Variants in APOH observed in about 807,000 individuals in gnomAD.
APOH encodes beta-2-glycoprotein 1.
Under a neutral mutation model 39.8 loss-of-function variants are expected in APOH, and 48 were observed. The ratio of observed to expected loss-of-function variants is 1.21; its 90% CI spans 0.96 to 1.54. The LOEUF (loss-of-function observed/expected upper bound fraction) is 1.54, where lower values mean the gene tolerates loss of function less well. Among genes scored for constraint, APOH ranks in the 40% most tolerant of loss-of-function variants. The pLI is 0.00. For synonymous variants in APOH, 153 were observed against 151.1 expected, an observed-to-expected ratio of 1.01 and a Z score of -0.09; for missense variants, 415 against 421.2, an observed-to-expected ratio of 0.99 and a Z score of 0.13.
At chr17:66,227,949 G>C (rs987618627) in intron 2 of APOH, 71 bp downstream of exon 2, 6 of 1,510,962 alleles carry the variant, frequency 4.0e-6, no homozygotes, top group Non-Finnish European at 5.4e-6. Flanking sequence ...AGCATGACGA[G>C]GTAGCTTATT....
At position 66,223,770 on chromosome 17, in the gene APOH, A is replaced by G. The variant is rs756210824; in HGVS notation, c.343T>C (p.Tyr115His). Reference sequence around the variant, plus strand: ...TTGGCAGAATCAGCGCCATTCAGATAAAACCTGCAAAAGGAAAATTCATTC... The same window carrying G: ...TTGGCAGAATCAGCGCCATTCAGATGAAACCTGCAAAAGGAAAATTCATTC... ...TISFSCNTGF[Y>H]LNGADSAKCT... The change falls in exon 4 of 8, where the codon TAT (tyrosine) becomes CAT (histidine). Residue 115 changes from tyrosine (Y) to histidine (H), a missense_variant. By Grantham distance (83) the Tyr-to-His change is moderately conservative. Coordinates refer to ENST00000205948, the MANE Select transcript of APOH (RefSeq NM_000042.3). 76 of 1,614,012 alleles carry G rather than the reference A, an allele frequency of 4.7e-5. No individual in the cohort carries two copies. In the South Asian group the frequency reaches 8.1e-4, roughly 17 times the overall value.
At chr17:66,214,786 G>A (rs750239799) in intron 6 of APOH, 136 bp from the exon 7 acceptor site, 61 of 680,778 alleles carry the variant, frequency 9.0e-5, no homozygotes, top group Non-Finnish European at 1.3e-5. Context: ...AATATATATA[G>A]TAAGTAATGG....
chr17:66,216,696 G>T, intron 6 of APOH, 92 bp downstream of exon 6: 1 of 1,318,450 alleles, frequency 7.6e-7, no homozygotes. Context: ...TGAGCAACAA[G>T]TGGAAAAGTG....
chr17:66,225,654 T>C (rs2073434798), intron 3 of APOH, among the ~76,000 whole-genome samples: 1 of 152,152 alleles, frequency 6.6e-6, no homozygotes, highest in African/African-American at 2.4e-5. Flanking sequence ...CTCCAATCCT[T>C]ACCCCACCCT....
chr17:66,215,724 A>G (rs1185068473), intron 6 of APOH, among the ~76,000 whole-genome samples: 3 of 152,154 alleles, frequency 2.0e-5, no homozygotes, highest in Non-Finnish European at 2.9e-5. Context: ...ACCTAACTCA[A>G]AAGGAACCAG....
At chr17:66,219,360 CAG>C (rs1469713559) in intron 5 of APOH, among the ~76,000 whole-genome samples, 2 of 151,448 alleles carry the variant, frequency 1.3e-5, no homozygotes, top group African/African-American at 2.4e-5. Context: ...TATGGAGAAA[CAG>C]AGAGAAAAAT....
Position 66,220,733 on chromosome 17 carries a change from C to A in APOH, c.425G>T (p.Cys142Phe). 6.2e-7 allele frequency: 1 copy of A among 1,604,542 alleles called. No individual in the cohort carries two copies. The highest frequency in any genetic ancestry group is 8.5e-7 in the Non-Finnish European group (1 of 1,173,008). ...PELPVCAPII[C>F]PPPSIPTFAT... ...AAACGTAGGTATGGATGGTGGAGGG[C>A]AGATGATGGCTGGGAAAATAAAGAA... Residue 142 changes from cysteine to phenylalanine, a missense_variant, in exon 5 of 8, where the codon TGC (cysteine) becomes TTC (phenylalanine). This residue lies in a region of APOH where 288 missense variants were observed against 284.9 expected (regional missense o/e 1.01). Coordinates refer to ENST00000205948, the MANE Select transcript of APOH (RefSeq NM_000042.3).
chr17:66,212,157 A>G lies in APOH; in HGVS notation c.1014T>C (p.Asp338=). 6.2e-7 allele frequency: 1 copy of G among 1,614,014 alleles called. No homozygotes were observed. The highest frequency in any genetic ancestry group is 8.5e-7 in the Non-Finnish European group (1 of 1,179,888). The change falls in exon 8 of 8, where the codon GAT becomes GAC. Residue 338 remains aspartate, a synonymous_variant. Transcript: ENST00000205948. ...CTTAGCATGGCTTTACATCGGATGC[A>G]TCAGTTTTCCAAAAAGCCAGAGAAC... is the stretch of plus-strand genomic sequence containing the variant. The part of the protein sequence containing the change: ...EHSSLAFWKT[D]ASDVKPC
intron 6 of APOH, among the ~76,000 whole-genome samples, chr17:66,215,297 C>T (rs2073358200): frequency 1.3e-5 from 2 of 152,208 alleles, no homozygotes; most frequent in Admixed American, 6.5e-5. Context: ...CTCCCTGGCT[C>T]GGCAGCATTA....
chr17:66,222,494 A>C (rs1321733438), intron 4 of APOH, among the ~76,000 whole-genome samples: 1 of 152,128 alleles, frequency 6.6e-6, no homozygotes, highest in Non-Finnish European at 1.5e-5. Context: ...TTTGTCCTTT[A>C]AAAACTTTCG....
intron 3 of APOH, among the ~76,000 whole-genome samples, chr17:66,224,640 AGGGAAGGGAAGG>A (rs1567741575): frequency 4.9e-5 from 1 of 20,542 alleles, no homozygotes; most frequent in African/African-American, 2.0e-4. Flanking sequence ...AAGGAAGAGA[AGGGAAGGGAAGG>A]GAAGGGAAGG....
intron 4 of APOH, among the ~76,000 whole-genome samples, chr17:66,222,591 GA>G (rs2073409329): frequency 1.5e-5 from 1 of 66,882 alleles, no homozygotes; most frequent in Non-Finnish European, 2.8e-5. Flanking sequence ...TTTTTTTTGA[GA>G]TGGAGTTTCA....
chr17:66,213,212 A>T (rs1729610342), intron 7 of APOH, among the ~76,000 whole-genome samples: 1 of 152,250 alleles, frequency 6.6e-6, no homozygotes, highest in Non-Finnish European at 1.5e-5. Flanking sequence ...ACCTAGAGCC[A>T]AGGACAGCTT....
chr17:66,224,470 T>TAAAAAAAAAAAAA (rs760150264), intron 3 of APOH, among the ~76,000 whole-genome samples: 5 of 42,988 alleles, frequency 1.2e-4, no homozygotes, highest in African/African-American at 2.2e-4. Context: ...GAAGATCCTG[T>TAAAAAAAAAAAAA]AAAAAAAAAA....
chr17:66,222,791 G>C (rs1367227300), intron 4 of APOH, among the ~76,000 whole-genome samples: 4 of 151,930 alleles, frequency 2.6e-5, no homozygotes, highest in Non-Finnish European at 5.9e-5. Context: ...GGCTGGTCTC[G>C]AACTCCTGAC....
chr17:66,223,878 C>G (rs1282639953), intron 3 of APOH, 104 bp from the exon 4 acceptor site: 7 of 1,029,112 alleles, frequency 6.8e-6, no homozygotes, highest in Middle Eastern at 2.1e-4. Context: ...CTATTGACTT[C>G]TTTTCCATCG....
Position 66,220,574 on chromosome 17 carries a change from G to A in APOH, c.584C>T (p.Thr195Ile), listed in dbSNP as rs759640469. The part of the protein sequence containing the change: ...TITCTTHGNW[T>I]KLPECREVKC... ...CTTACCCCTGCATTCTGGTAATTTA[G>A]TCCAATTTCCATGTGTCGTGCAGGT... The change falls in exon 5 of 8, where the codon ACT becomes ATT. Residue 195 changes from threonine to isoleucine, a missense_variant. Physicochemically the swap from Thr to Ile is moderately conservative, Grantham distance 89 (BLOSUM62 -1). Transcript: ENST00000205948. 46 of 1,613,902 alleles carry A rather than the reference G, an allele frequency of 2.9e-5. No individual in the cohort carries two copies. The highest frequency in any genetic ancestry group is 3.7e-5 in the Non-Finnish European group (44 of 1,179,938).
intron 5 of APOH, among the ~76,000 whole-genome samples, chr17:66,218,730 A>G (rs1215675616): frequency 6.6e-6 from 1 of 152,138 alleles, no homozygotes; most frequent in Non-Finnish European, 1.5e-5. Context: ...ATTCTTAATT[A>G]TAGGAGACTA....
chr17:66,222,278 G>A lies in APOH; in HGVS notation c.415+1420C>T, dbSNP rs143382834. 1.3e-4 allele frequency among the ~76,000 whole-genome samples: 20 copies of A among 152,142 alleles called. No homozygotes were observed. In the East Asian group the frequency reaches 3.5e-3, roughly 27 times the overall value. On this transcript the variant is annotated intron_variant, in intron 4 of 7. Coordinates refer to ENST00000205948, the MANE Select transcript of APOH (RefSeq NM_000042.3). ...GTGGCGCTCATCTATAGTCTCAGCT[G>A]CTCAGGAGACTGAGAGGATCACTTG...
Sources: gnomAD v4.1 joint callset for allele counts (sites outside exome capture counted in the v4.1 genomes callset) on GRCh38, gnomAD v4.1.1 for gene constraint, gnomAD v4.1.1 regional missense constraint, MANE v1.5 for transcripts, NCBI Gene and HGNC (gene_info 2026-07-23, HGNC 2026-07-21) for gene names.